GAL3ST3: variants seen among roughly 807,000 people sequenced by gnomAD.
GAL3ST3 encodes galactose-3-O-sulfotransferase 3.
A neutral mutation model predicts 20.8 loss-of-function variants in GAL3ST3; 21 were observed. The observed-to-expected ratio is 1.01, with a 90% CI of 0.72 to 1.45. GAL3ST3 has a LOEUF of 1.45. Among genes scored for constraint, GAL3ST3 ranks in the 40% most tolerant of loss-of-function variants. The pLI, the probability that GAL3ST3 is intolerant of heterozygous loss-of-function variation, is 0.00. For missense variants in GAL3ST3, 739 were observed against 662.7 expected (o/e 1.12, Z -1.26); for synonymous variants, 355 against 307.2 (o/e 1.16, Z -1.63).
intron 1 of GAL3ST3, among the ~76,000 whole-genome samples, chr11:66,048,169 TAGAG>T (rs1195413625): frequency 3.9e-5 from 6 of 152,176 alleles, no homozygotes; most frequent in Admixed American, 1.3e-4. Flanking sequence ...GTCTTCTCCA[TAGAG>T]AGAGTTCTCC....
intron 2 of GAL3ST3, among the ~76,000 whole-genome samples, chr11:66,043,993 G>C (rs2135020558): frequency 6.6e-6 from 1 of 152,326 alleles, no homozygotes; most frequent in Middle Eastern, 3.4e-3. Flanking sequence ...TGGCTGGCTA[G>C]TATCTTGGTG....
rs750464463 is a variant in GAL3ST3 at position 66,043,625 on chromosome 11, G to T, written c.178C>A (p.Arg60Ser). The change falls in exon 3 of 3, where the codon CGC (arginine) becomes AGC (serine). Residue 60 changes from arginine (R) to serine (S), a missense_variant. Coordinates refer to ENST00000312006, the MANE Select transcript of GAL3ST3 (RefSeq NM_033036.3). ...AAGGCCACAGTCATGTGCTTGGGGC[G>T]CGGCGGCGAGTTCCGCAGAGGAGGG... ...SCPPLRNSPP[R>S]PKHMTVAFLK... 2 of 1,612,012 alleles carry T rather than the reference G, an allele frequency of 1.2e-6. No homozygotes were observed. Among genetic ancestry groups the T allele is most frequent in the Non-Finnish European group, 1.7e-6 (2 of 1,179,326 alleles).
At chr11:66,048,632 C>G (rs1048737961) in intron 1 of GAL3ST3, among the ~76,000 whole-genome samples, 6 of 148,584 alleles carry the variant, frequency 4.0e-5, no homozygotes, top group Middle Eastern at 3.4e-3. Context: ...CCTCCTCCCC[C>G]ACCCCCCAGC....
At chr11:66,043,817 T>A (rs1856751955) in intron 2 of GAL3ST3, 140 bp from the exon 3 acceptor site, 6 of 701,760 alleles carry the variant, frequency 8.5e-6, no homozygotes, top group South Asian at 7.6e-5. Flanking sequence ...GGGCGGTGCT[T>A]GGTAGCCTCT....
At chr11:66,043,698 G>T (rs766432901) in intron 2 of GAL3ST3, 21 bp from the exon 3 acceptor site, 3 of 1,573,478 alleles carry the variant, frequency 1.9e-6, no homozygotes, top group Non-Finnish European at 2.6e-6. Context: ...CAGGGAGTGT[G>T]CGGAGAGGAG....
At chr11:66,045,201 G>C in intron 2 of GAL3ST3, 90 bp downstream of exon 2, 1 of 1,183,370 alleles carries the variant, frequency 8.5e-7, no homozygotes, top group Non-Finnish European at 1.1e-6. Context: ...TTTCAGAATA[G>C]AGGGGAGGAG....
Position 66,042,870 on chromosome 11 carries a change from G to C in GAL3ST3, c.933C>G (p.Arg311=). ...CGCGCTCCACGCACGCGCGGCCCGC[G>C]CGCGCCACGTGGCGCCAGAAGGTGG... The part of the protein sequence containing the change: ...FNATFWRHVA[R]AGRACVEREA... Residue 311 remains arginine, a synonymous_variant, in exon 3 of 3, where the codon CGC becomes CGG. Coordinates refer to ENST00000312006, the MANE Select transcript of GAL3ST3 (RefSeq NM_033036.3). The C allele has an allele frequency of 8.5e-7, 1 of 1,170,146 alleles. No homozygotes were observed. Among genetic ancestry groups the C allele is most frequent in the Non-Finnish European group, 1.1e-6 (1 of 942,570 alleles). 72.5% of individuals were successfully genotyped at this position (1,170,146 alleles called of 1,614,324 possible).
rs750205515 is a variant in GAL3ST3 at position 66,043,140 on chromosome 11, G to A, written c.663C>T (p.Ala221=). 7.4e-6 allele frequency: 12 copies of A among 1,611,540 alleles called. No homozygotes were observed. In the East Asian group the frequency reaches 2.5e-4, roughly 33 times the overall value. The change falls in exon 3 of 3, where the codon GCC becomes GCT. Residue 221 remains alanine, a synonymous_variant. Coordinates refer to ENST00000312006, the MANE Select transcript of GAL3ST3 (RefSeq NM_033036.3). ...GGCGGATGAGGCCCGCCAGGTAGGC[G>A]GCGTCGTCGCGCGGGCTGCGCTCAT... ...GDNERSPRDD[A]AYLAGLIRQV...
Position 66,041,150 on chromosome 11 carries a change from G to A in GAL3ST3, c.*1357C>T, listed in dbSNP as rs1199196768. On this transcript the variant is annotated 3_prime_UTR_variant, in exon 3 of 3. Coordinates refer to ENST00000312006, the MANE Select transcript of GAL3ST3 (RefSeq NM_033036.3). Reference sequence around the variant, plus strand: ...ACACTGCCTTGGTTGAGATCCTAGTGGCCACTTTCTGGCTGTGTGACCCTG... The same window carrying A: ...ACACTGCCTTGGTTGAGATCCTAGTAGCCACTTTCTGGCTGTGTGACCCTG... Among the ~76,000 whole-genome samples the A allele has an allele frequency of 3.9e-5, 6 of 152,124 alleles. No homozygotes were observed. The highest frequency in any genetic ancestry group is 1.4e-4 in the African/African-American group (6 of 41,416).
chr11:66,045,400 G>A lies in GAL3ST3; in HGVS notation c.16C>T (p.Gln6Ter), dbSNP rs764101167. The A allele has an allele frequency of 1.9e-5, 31 of 1,602,074 alleles. No individual in the cohort carries two copies. Among genetic ancestry groups the A allele is most frequent in the Non-Finnish European group, 2.5e-5 (29 of 1,173,920 alleles). The part of the protein sequence containing the change: MPPIL[Q>*]RLQQATKMMS... Reference sequence around the variant, plus strand: ...ATCTTGGTGGCCTGCTGCAGGCGCTGGAGGATGGGTGGCATGGCGGAGTAC... The same window carrying A: ...ATCTTGGTGGCCTGCTGCAGGCGCTAGAGGATGGGTGGCATGGCGGAGTAC... Residue 6 changes from glutamine (Q) to a stop codon, truncating the protein, a stop_gained, in exon 2 of 3, where the codon CAG becomes TAG. Coordinates refer to ENST00000312006, the MANE Select transcript of GAL3ST3 (RefSeq NM_033036.3). LOFTEE classifies it high-confidence loss of function.
At position 66,045,425 on chromosome 11, in the gene GAL3ST3, C is replaced by A; in HGVS notation, c.-10G>T. ...GGAGGATGGGTGGCATGGCGGAGTA[C>A]CCACCCCTGGACCAGCCAGGGCCTC... is the stretch of plus-strand genomic sequence containing the variant. On this transcript the variant is annotated 5_prime_UTR_variant, in exon 2 of 3. Transcript: ENST00000312006. The A allele has an allele frequency of 6.3e-7, 1 of 1,592,668 alleles. No individual in the cohort carries two copies. Among genetic ancestry groups the A allele is most frequent in the Non-Finnish European group, 8.6e-7 (1 of 1,169,322 alleles).
rs796984549 is a variant in GAL3ST3 at position 66,042,216 on chromosome 11, A to C, written c.*291T>G. The C allele has an allele frequency of 6.0e-5, 20 of 332,064 alleles. No homozygotes were observed. Among genetic ancestry groups the C allele is most frequent in the African/African-American group, 4.3e-4 (20 of 46,838 alleles). The allele number at this position is 332,064 out of a possible 1,614,324, so 20.6% of individuals were successfully genotyped here. ...GGGGGCTCAGCCCCCAGAAAAAGGC[A>C]GGGTGAGCAGTTCTGGACAGCCCTC... On this transcript the variant is annotated 3_prime_UTR_variant, in exon 3 of 3. Transcript: ENST00000312006.
chr11:66,043,556 G>C lies in GAL3ST3; in HGVS notation c.247C>G (p.Leu83Val). ...KTAGTTVQNI[L>V]FRFAERHNLT... ...TTGTGGCGCTCGGCAAAGCGAAACA[G>C]GATGTTCTGCACCGTCGTGCCTGCC... Residue 83 changes from leucine to valine, a missense_variant, in exon 3 of 3, where the codon CTG becomes GTG. Physicochemically the swap from Leu to Val is conservative, Grantham distance 32 (BLOSUM62 1). Coordinates refer to ENST00000312006, the MANE Select transcript of GAL3ST3 (RefSeq NM_033036.3). The C allele has an allele frequency of 1.2e-6, 2 of 1,612,014 alleles. No homozygotes were observed. Among genetic ancestry groups the C allele is most frequent in the Non-Finnish European group, 1.7e-6 (2 of 1,179,914 alleles).
In GAL3ST3 at chr11:66,042,699, G is replaced by T. The variant is rs1856721114; in HGVS notation, c.1104C>A (p.Asp368Glu). Residue 368 changes from aspartate (D) to glutamate (E), a missense_variant, in exon 3 of 3, where the codon GAC (aspartate) becomes GAA (glutamate). Physicochemically the swap from Asp to Glu is conservative, Grantham distance 45. Transcript: ENST00000312006. The stretch of plus-strand genomic sequence containing the variant: ...CCGGGCCGGCGCCGCCGCCGGGCAG[G>T]TCATAGCCCATAATGTCCACCTTGC... Reference protein sequence around the residue: ...PSRKVDIMGYDLPGGGAGPAT... With the variant: ...PSRKVDIMGYELPGGGAGPAT... 2 of 1,534,016 alleles carry T rather than the reference G, an allele frequency of 1.3e-6. No individual in the cohort carries two copies. Among genetic ancestry groups the T allele is most frequent in the Admixed American group, 3.9e-5 (2 of 50,880 alleles).
intron 2 of GAL3ST3, among the ~76,000 whole-genome samples, chr11:66,044,088 G>A (rs935546228): frequency 7.2e-5 from 11 of 152,174 alleles, no homozygotes; most frequent in African/African-American, 2.7e-4. Context: ...ACCACTAAGT[G>A]GGAAAAGCCC....
In GAL3ST3 at chr11:66,042,856, CACGCGCGGCCCGCGCGCGCCACGT is replaced by C. The variant is rs1309928312; in HGVS notation, c.923_946del (p.His308_Cys316delinsArg). On this transcript the variant is annotated inframe_deletion, in exon 3 of 3. Coordinates refer to ENST00000312006, the MANE Select transcript of GAL3ST3 (RefSeq NM_033036.3). ...CAGCTCGCGCGCCTCGCGCTCCACG[CACGCGCGGCCCGCGCGCGCCACGT>C]GGCGCCAGAAGGTGGCGTTGAAGTG... The C allele has an allele frequency of 8.5e-7, 1 of 1,180,314 alleles. No homozygotes were observed. The highest frequency in any genetic ancestry group is 1.7e-5 in the African/African-American group (1 of 59,440). The allele number at this position is 1,180,314 out of a possible 1,614,324, so 73.1% of individuals were successfully genotyped here. A position where few individuals can be genotyped will look rare whatever the true frequency, so the allele number is the denominator to read the frequency against.
At chr11:66,044,464 G>A (rs772560612) in intron 2 of GAL3ST3, among the ~76,000 whole-genome samples, 24 of 152,180 alleles carry the variant, frequency 1.6e-4, no homozygotes, top group Non-Finnish European at 3.2e-4. Flanking sequence ...GTCTGGAGAC[G>A]ACTCACATGG....
chr11:66,043,002 G>T lies in GAL3ST3; in HGVS notation c.801C>A (p.Leu267=). ...GGCGCGAGCTGGCGGCGCGCGCGTT[G>T]AGCTTGGCGTAGAGCACGTCGTCCA... The part of the protein sequence containing the change: ...WDLDDVLYAK[L]NARAASSRLA... The change falls in exon 3 of 3, where the codon CTC becomes CTA. Residue 267 remains leucine, a synonymous_variant. Coordinates refer to ENST00000312006, the MANE Select transcript of GAL3ST3 (RefSeq NM_033036.3). The T allele has an allele frequency of 6.2e-7, 1 of 1,605,496 alleles. No homozygotes were observed. The highest frequency in any genetic ancestry group is 1.3e-5 in the African/African-American group (1 of 74,620).
rs775953723 is a variant in GAL3ST3 at position 66,043,542 on chromosome 11, G to A, written c.261C>T (p.Ala87=). ...GGGCCACCGTCAGGTTGTGGCGCTC[G>A]GCAAAGCGAAACAGGATGTTCTGCA... ...TTVQNILFRF[A]ERHNLTVALP... The change falls in exon 3 of 3, where the codon GCC becomes GCT. Residue 87 remains alanine, a synonymous_variant. Coordinates refer to ENST00000312006, the MANE Select transcript of GAL3ST3 (RefSeq NM_033036.3). The A allele has an allele frequency of 6.8e-6, 11 of 1,610,988 alleles. No homozygotes were observed. Among genetic ancestry groups the A allele is most frequent in the Admixed American group, 3.3e-5 (2 of 59,978 alleles).
Sources: allele counts gnomAD v4.1 joint callset (sites outside exome capture counted in the v4.1 genomes callset), GRCh38; gene constraint gnomAD v4.1.1; transcripts MANE v1.5; gene names NCBI Gene and HGNC (gene_info 2026-07-23, HGNC 2026-07-21).